COL6A5: variants seen among roughly 807,000 people sequenced by gnomAD.
COL6A5 encodes collagen type VI alpha 5 chain.
Under a neutral mutation model 65.6 loss-of-function variants are expected in COL6A5, and 48 were observed. The observed-to-expected ratio is 0.73, with a 90% CI of 0.58 to 0.93. The LOEUF (loss-of-function observed/expected upper bound fraction) is 0.93. COL6A5 is among the 40% of genes least tolerant of loss of function. The probability of loss-of-function intolerance (pLI) is 0.00; values close to 1 mark genes in which losing one functional copy is unlikely to be tolerated. For missense variants in COL6A5, 914 were observed against 928.3 expected (o/e 0.98, Z 0.20); for synonymous variants, 291 against 322.8 (o/e 0.90, Z 1.05).
intron 4 of COL6A5, among the ~76,000 whole-genome samples, chr3:130,444,675 G>A (rs1382397215): frequency 6.6e-6 from 1 of 152,110 alleles, no homozygotes; most frequent in Non-Finnish European, 1.5e-5. Context: ...CGATTAAACA[G>A]AGAAACATAA....
At chr3:130,403,571 G>T (rs1320237242) in intron 12 of COL6A5, 38 bp from the exon 13 acceptor site, 4 of 1,522,730 alleles carry the variant, frequency 2.6e-6, no homozygotes, top group Non-Finnish European at 3.6e-6. Flanking sequence ...TTATTGGGGG[G>T]GGGTGACTAA....
At chr3:130,427,213 T>C (rs555631772), upstream of COL6A5, among the ~76,000 whole-genome samples, 1 of 152,312 alleles carries the variant, frequency 6.6e-6, no homozygotes, top group East Asian at 1.9e-4. Context: ...AATACATACA[T>C]AGAAACAAGT....
At chr3:130,414,258 T>C in intron 22 of COL6A5, 127 bp downstream of exon 22, 1 of 741,778 alleles carries the variant, frequency 1.3e-6, no homozygotes. Context: ...GCATTCCCTA[T>C]CATGGGGTGG....
intron 7 of COL6A5, among the ~76,000 whole-genome samples, chr3:130,472,851 A>ATATATATATATATATATATATG (rs1272586386): frequency 2.1e-5 from 3 of 144,122 alleles, no homozygotes; most frequent in Non-Finnish European, 4.6e-5. Context: ...ATATATATAT[A>ATATATATATATATATATATATG]TATATATACA....
At chr3:130,361,596 G>A (rs976606) in intron 1 of COL6A5, among the ~76,000 whole-genome samples, 2,541 of 152,144 alleles carry the variant, frequency 0.017, 74 homozygotes, top group African/African-American at 0.057. Context: ...ACCAGGAAGC[G>A]TGATTGCTGG....
chr3:130,409,822 ATCT>A (rs1292425406), intron 18 of COL6A5, among the ~76,000 whole-genome samples, 184 bp from the exon 19 acceptor site: 1 of 152,166 alleles, frequency 6.6e-6, no homozygotes. Context: ...TTATTGCCAA[ATCT>A]TCTTCAAACT....
intron 1 of COL6A5, among the ~76,000 whole-genome samples, chr3:130,434,211 G>A (rs1937947433): frequency 6.6e-6 from 1 of 152,150 alleles, no homozygotes; most frequent in Non-Finnish European, 1.5e-5. Context: ...TCCTGTGTTA[G>A]TTTGCTGGGG....
At position 130,351,920 on chromosome 3, in the gene COL6A5, A is replaced by C. The variant is rs564117838; in HGVS notation, c.-29+5939A>C. Among the ~76,000 whole-genome samples the C allele has an allele frequency of 3.9e-5, 6 of 152,322 alleles. 1 individual carries two copies. Among genetic ancestry groups the C allele is most frequent in the African/African-American group, 1.4e-4 (6 of 41,568 alleles). On this transcript the variant is annotated intron_variant and NMD_transcript_variant, in intron 1 of 41. Transcript: ENST00000312481. ...TTGGAACCAACCCAAATGTCCATCAATGATAGACTGGATAAAGAAAATGTG... is the reference window on the plus strand; with the variant it reads ...TTGGAACCAACCCAAATGTCCATCACTGATAGACTGGATAAAGAAAATGTG...
chr3:130,449,098 C>A (rs1053829316), intron 4 of COL6A5, among the ~76,000 whole-genome samples: 3 of 152,230 alleles, frequency 2.0e-5, no homozygotes, highest in South Asian at 4.1e-4. Flanking sequence ...TGTAAGTGTT[C>A]AGAAACCAAT....
chr3:130,447,136 A>G lies in COL6A5; in HGVS notation c.1332+3570A>G, dbSNP rs138734853. 2.2e-3 allele frequency among the ~76,000 whole-genome samples: 328 copies of G among 152,286 alleles called. 2 individuals carry two copies. Among genetic ancestry groups the G allele is most frequent in the African/African-American group, 7.6e-3 (315 of 41,580 alleles). Reference sequence around the variant, plus strand: ...ACTAACATATCCAGCGGTATAGTCTATCTTTATTTGATATGGTAGCCCCAA... The same window carrying G: ...ACTAACATATCCAGCGGTATAGTCTGTCTTTATTTGATATGGTAGCCCCAA... On this transcript the variant is annotated intron_variant, in intron 4 of 7. Coordinates refer to ENST00000512836, the Ensembl canonical transcript of COL6A5.
At chr3:130,349,045 C>T (rs2107609732) in intron 1 of COL6A5, among the ~76,000 whole-genome samples, 1 of 152,174 alleles carries the variant, frequency 6.6e-6, no homozygotes, top group South Asian at 2.1e-4. Flanking sequence ...TAATTGCCTA[C>T]CCAATATTCT....
At chr3:130,444,349 A>G (rs1709258826) in intron 4 of COL6A5, among the ~76,000 whole-genome samples, 1 of 151,976 alleles carries the variant, frequency 6.6e-6, no homozygotes, top group Non-Finnish European at 1.5e-5. Flanking sequence ...CAGGCATAGG[A>G]AATCACAAGG....
intron 1 of COL6A5, among the ~76,000 whole-genome samples, chr3:130,351,105 G>A (rs1471217185): frequency 1.3e-5 from 2 of 152,190 alleles, no homozygotes; most frequent in Admixed American, 1.3e-4. Flanking sequence ...AAACTGGCTA[G>A]CCATATGTAG....
chr3:130,384,822 A>G, exon 5 of COL6A5: 5 of 1,546,720 alleles, frequency 3.2e-6, no homozygotes, highest in Non-Finnish European at 4.4e-6. Context: ...GATACAAAAG[A>G]GGCTGATATC....
chr3:130,410,591 ATTTGT>A, intron 20 of COL6A5, 67 bp downstream of exon 20: 1 of 1,352,110 alleles, frequency 7.4e-7, no homozygotes, highest in African/African-American at 1.4e-5. Context: ...CATTCAGAAT[ATTTGT>A]TGTGCACAGT....
chr3:130,481,961 A>G lies in COL6A5; in HGVS notation c.2329-2074A>G, dbSNP rs138874349. On this transcript the variant is annotated intron_variant, in intron 7 of 7. Transcript: ENST00000512836. Reference sequence around the variant, plus strand: ...TAGGTATTAGCCCTTTGTCAGATGGATAGATTGCAAAAATTTTCTCCCATT... The same window carrying G: ...TAGGTATTAGCCCTTTGTCAGATGGGTAGATTGCAAAAATTTTCTCCCATT... Among the ~76,000 whole-genome samples, 818 of 152,132 alleles carry G rather than the reference A, an allele frequency of 5.4e-3. 18 individuals are homozygous for G. Among genetic ancestry groups the G allele is most frequent in the East Asian group, 0.047 (242 of 5,172 alleles).
At chr3:130,410,111 C>G in intron 19 of COL6A5, 37 bp downstream of exon 19, 1 of 1,401,112 alleles carries the variant, frequency 7.1e-7, no homozygotes, top group Non-Finnish European at 9.9e-7. Context: ...TTGATTAATT[C>G]TGTTATTGAT....
At chr3:130,428,115 A>T (rs138876024), upstream of COL6A5, among the ~76,000 whole-genome samples, 1 of 152,284 alleles carries the variant, frequency 6.6e-6, no homozygotes, top group East Asian at 1.9e-4. Flanking sequence ...ATTTGAAGGG[A>T]GAAGTTTTCC....
chr3:130,431,268 C>T, upstream of COL6A5: 1 of 705,738 alleles, frequency 1.4e-6, no homozygotes. Flanking sequence ...AATATTCATG[C>T]TCTGCATTTA....
Sources: gnomAD v4.1 joint callset for allele counts (sites outside exome capture counted in the v4.1 genomes callset) on GRCh38, gnomAD v4.1.1 for gene constraint, MANE v1.5 for transcripts, NCBI Gene and HGNC (gene_info 2026-07-23, HGNC 2026-07-21) for gene names.